The following PPARGC1B variants were observed in gnomAD, a reference collection of about 807,000 sequenced individuals.
The protein encoded by PPARGC1B is PPARG coactivator 1 beta, also known as peroxisome proliferator-activated receptor gamma coactivator 1-beta.
In PPARGC1B, 34 loss-of-function variants were observed where a neutral mutation model predicts 101.6. The ratio of observed to expected loss-of-function variants is 0.33; its 90% CI spans 0.25 to 0.45. PPARGC1B has a LOEUF of 0.45. Among genes scored for constraint, PPARGC1B ranks in the 20% least tolerant of loss-of-function variants. The pLI, the probability that PPARGC1B is intolerant of heterozygous loss-of-function variation, is 1.00. For synonymous variants in PPARGC1B, 548 were observed against 539.3 expected, an observed-to-expected ratio of 1.02 and a Z score of -0.22; for missense variants, 1,234 against 1,317.6, an observed-to-expected ratio of 0.94 and a Z score of 0.98.
chr5:149,827,113 A>G (rs1338240806), intron 3 of PPARGC1B, among the ~76,000 whole-genome samples: 1 of 152,244 alleles, frequency 6.6e-6, no homozygotes, highest in African/African-American at 2.4e-5. Flanking sequence ...TGCATTCTCT[A>G]TGCTCTTTGG....
intron 1 of PPARGC1B, among the ~76,000 whole-genome samples, chr5:149,799,971 T>C (rs977519588): frequency 6.6e-6 from 1 of 152,062 alleles, no homozygotes; most frequent in South Asian, 2.1e-4. Context: ...AGTGCTGGGA[T>C]TACAGGTGTG....
In PPARGC1B at chr5:149,854,336, T is replaced by G. The variant is rs1042092675; in HGVS notation, c.*6778T>G. ...AGGCTGTGTTTGTGGTGGGGGTGTG[T>G]GTGTGTGTATCTGTGCACACATACA... is the stretch of plus-strand genomic sequence containing the variant. On this transcript the variant is annotated 3_prime_UTR_variant, in exon 12 of 12. Transcript: ENST00000309241. 16 of 151,878 alleles carry G rather than the reference T, an allele frequency of 1.1e-4. No homozygotes were observed. Among genetic ancestry groups the G allele is most frequent in the African/African-American group, 3.9e-4 (16 of 41,312 alleles). 9.4% of individuals were successfully genotyped at this position (151,878 alleles called of 1,614,324 possible). A position where few individuals can be genotyped will look rare whatever the true frequency, so the allele number is the denominator to read the frequency against.
At chr5:149,763,526 G>GTTTTTTTTTTTTTTT (rs70973540) in intron 1 of PPARGC1B, among the ~76,000 whole-genome samples, 1 of 67,678 alleles carries the variant, frequency 1.5e-5, no homozygotes, top group Non-Finnish European at 2.6e-5. Flanking sequence ...TTCACTCCTG[G>GTTTTTTTTTTTTTTT]TTTTTTTTTT....
downstream of PPARGC1B, among the ~76,000 whole-genome samples, chr5:149,856,306 T>G (rs1759948998): frequency 6.6e-6 from 1 of 152,178 alleles, no homozygotes; most frequent in African/African-American, 2.4e-5. Flanking sequence ...CACATCATGA[T>G]TTTTTCCCAT....
At chr5:149,808,781 G>A (rs553502476) in intron 1 of PPARGC1B, among the ~76,000 whole-genome samples, 1 of 152,254 alleles carries the variant, frequency 6.6e-6, no homozygotes, top group East Asian at 1.9e-4. Context: ...TATGTGCCAG[G>A]CATTATGCTG....
In PPARGC1B at chr5:149,836,774, C is replaced by T. The variant is rs145309519; in HGVS notation, c.2319C>T (p.Thr773=). Residue 773 remains threonine, a synonymous_variant, in exon 8 of 12, where the codon ACC becomes ACT. Coordinates refer to ENST00000309241, the MANE Select transcript of PPARGC1B (RefSeq NM_133263.4). The part of the protein sequence containing the change: ...SLTKHFGLLE[T]ALEEEDLASC... ...CCAAACACTTTGGGCTGCTGGAGAC[C>T]GCCCTGGAGGAGGAAGACCTGGCCT... 4.0e-5 allele frequency: 64 copies of T among 1,613,496 alleles called. No individual in the cohort carries two copies. Among genetic ancestry groups the T allele is most frequent in the African/African-American group, 3.5e-4 (26 of 74,908 alleles).
chr5:149,770,584 G>C (rs576599798), intron 1 of PPARGC1B, among the ~76,000 whole-genome samples: 21 of 152,170 alleles, frequency 1.4e-4, no homozygotes, highest in African/African-American at 5.1e-4. Flanking sequence ...TTCTCCCAAG[G>C]GTTGTGATAA....
Position 149,830,858 on chromosome 5 carries a change from C to T in PPARGC1B, c.557C>T (p.Ser186Phe). ...GCCTGGCGCCAGGCAGGCCTCAGAT[C>T]TAAAAGTCAACGGCCTTGTGTTAAG... ...GTAWRQAGLRSKSQRPCVKAD... is the reference protein window; with the variant it reads ...GTAWRQAGLRFKSQRPCVKAD... Residue 186 changes from serine (S) to phenylalanine (F), a missense_variant, in exon 4 of 12, where the codon TCT becomes TTT. Coordinates refer to ENST00000309241, the MANE Select transcript of PPARGC1B (RefSeq NM_133263.4). 6.2e-7 allele frequency: 1 copy of T among 1,613,690 alleles called. No individual in the cohort carries two copies. Among genetic ancestry groups the T allele is most frequent in the Non-Finnish European group, 8.5e-7 (1 of 1,179,580 alleles).
rs539159737 is a variant in PPARGC1B, at chr5:149,827,026, G to T, written c.465+141G>T. The stretch of plus-strand genomic sequence containing the variant: ...GGCAATATTGATCACAGCAGAGAGC[G>T]TGGGCCGAAGGTGGGAGGCCCCCCT... On this transcript the variant is annotated intron_variant, in intron 3 of 11. Transcript: ENST00000309241. The T allele has an allele frequency of 8.6e-6, 6 of 697,706 alleles. No homozygotes were observed. In the African/African-American group the frequency reaches 9.0e-5, roughly 10 times the overall value. The allele number at this position is 697,706 out of a possible 1,614,324, so 43.2% of individuals were successfully genotyped here. A position where few individuals can be genotyped will look rare whatever the true frequency, so the allele number is the denominator to read the frequency against.
At chr5:149,844,447 G>A (rs1759471759) in intron 10 of PPARGC1B, among the ~76,000 whole-genome samples, 1 of 152,170 alleles carries the variant, frequency 6.6e-6, no homozygotes, top group South Asian at 2.1e-4. Flanking sequence ...AGACCAACCC[G>A]GCCAACATGG....
intron 1 of PPARGC1B, among the ~76,000 whole-genome samples, chr5:149,760,444 T>C (rs1755677416): frequency 2.0e-5 from 3 of 152,174 alleles, no homozygotes; most frequent in Non-Finnish European, 4.4e-5. Context: ...ATGGCTTGGC[T>C]TTTCTGAGCT....
intron 1 of PPARGC1B, among the ~76,000 whole-genome samples, chr5:149,734,011 G>C (rs575182186): frequency 1.5e-4 from 23 of 152,040 alleles, no homozygotes; most frequent in African/African-American, 5.3e-4. Context: ...TGTTCATATA[G>C]ATCACATCTT....
At chr5:149,823,727 C>T (rs1192469655) in intron 2 of PPARGC1B, among the ~76,000 whole-genome samples, 1 of 152,146 alleles carries the variant, frequency 6.6e-6, no homozygotes, top group Non-Finnish European at 1.5e-5. Flanking sequence ...TCCTCCCAGT[C>T]AGGCTCAGAG....
rs12522287 is a variant in PPARGC1B, at chr5:149,796,954, C to G, written c.79-23479C>G. Among the ~76,000 whole-genome samples, 741 of 152,320 alleles carry G rather than the reference C, an allele frequency of 4.9e-3. 7 individuals carry two copies. The highest frequency in any genetic ancestry group is 0.016 in the Admixed American group (252 of 15,298). On this transcript the variant is annotated intron_variant, in intron 1 of 11. Coordinates refer to ENST00000309241, the MANE Select transcript of PPARGC1B (RefSeq NM_133263.4). ...GACAGAGTTAATGCATGGAAGGACA[C>G]GGTTTGTTTTGCTCCGAGACAGCCT...
At chr5:149,825,155 A>AGAG (rs1758463261) in intron 2 of PPARGC1B, among the ~76,000 whole-genome samples, 1 of 152,214 alleles carries the variant, frequency 6.6e-6, no homozygotes, top group African/African-American at 2.4e-5. Context: ...CGTGCTCTCC[A>AGAG]CACCAGGCCT....
chr5:149,855,252 C>G (rs1018033142), downstream of PPARGC1B, among the ~76,000 whole-genome samples: 2 of 152,078 alleles, frequency 1.3e-5, no homozygotes, highest in Non-Finnish European at 2.9e-5. Flanking sequence ...TCACTTGAGC[C>G]CAGGAGTTCA....
chr5:149,780,909 GA>G (rs1191416321), intron 1 of PPARGC1B, among the ~76,000 whole-genome samples: 1 of 152,186 alleles, frequency 6.6e-6, no homozygotes, highest in Non-Finnish European at 1.5e-5. Context: ...CTCGAGCTAA[GA>G]AGGGGCTTTC....
intron 6 of PPARGC1B, 122 bp from the exon 7 acceptor site, chr5:149,835,179 A>G (rs1758994283): frequency 1.1e-6 from 1 of 879,142 alleles, no homozygotes; most frequent in East Asian, 2.4e-5. Context: ...CTCAGGCTCC[A>G]TTTCCATGGG....
intron 11 of PPARGC1B, chr5:149,846,184 C>T: frequency 1.7e-6 from 1 of 580,602 alleles, no homozygotes; most frequent in Non-Finnish European, 3.1e-6. Context: ...CAGTCATGTG[C>T]ACAGCCAGCT....
Sources: gnomAD v4.1 joint callset for allele counts (sites outside exome capture counted in the v4.1 genomes callset) on GRCh38, gnomAD v4.1.1 for gene constraint, MANE v1.5 for transcripts, NCBI Gene and HGNC (gene_info 2026-07-23, HGNC 2026-07-21) for gene names.